Variants in CCDC91 observed in about 807,000 individuals in gnomAD.
The protein encoded by CCDC91 is coiled-coil domain containing 91, also known as coiled-coil domain-containing protein 91.
Under a neutral mutation model 63.2 loss-of-function variants are expected in CCDC91, and 48 were observed. That is an observed-to-expected ratio of 0.76 (90% CI 0.60 to 0.97). CCDC91 has a LOEUF of 0.97. Ranked by LOEUF, CCDC91 falls within the 50% of genes least tolerant of loss-of-function variation. The pLI, the probability that CCDC91 is intolerant of heterozygous loss-of-function variation, is 0.00. For missense variants in CCDC91, 500 were observed against 494.6 expected (o/e 1.01, Z -0.10); for synonymous variants, 167 against 165.8 (o/e 1.01, Z -0.06).
chr12:28,356,486 G>C (rs887080063), intron 6 of CCDC91, among the ~76,000 whole-genome samples: 1 of 152,042 alleles, frequency 6.6e-6, no homozygotes, highest in African/African-American at 2.4e-5. Context: ...ATTTTTTCAT[G>C]TATGGGTTGT....
chr12:28,198,562 A>G (rs1034829155), intron 1 of CCDC91, among the ~76,000 whole-genome samples: 10 of 152,220 alleles, frequency 6.6e-5, no homozygotes, highest in Non-Finnish European at 7.4e-5. Flanking sequence ...GAATCAGAAG[A>G]CAAGTGGCAA....
intron 12 of CCDC91, among the ~76,000 whole-genome samples, chr12:28,520,980 T>G (rs1178549190): frequency 1.3e-5 from 2 of 152,172 alleles, no homozygotes; most frequent in Non-Finnish European, 2.9e-5. Flanking sequence ...TGTAGCCTTG[T>G]AGTATAGTTT....
chr12:28,320,441 A>G (rs1167968376), intron 6 of CCDC91, among the ~76,000 whole-genome samples: 5 of 151,864 alleles, frequency 3.3e-5, no homozygotes, highest in African/African-American at 1.2e-4. Flanking sequence ...TGGACTTACA[A>G]TGTGGCTAAG....
intron 8 of CCDC91, among the ~76,000 whole-genome samples, chr12:28,393,448 A>G (rs181525338): frequency 5.8e-4 from 87 of 150,288 alleles, no homozygotes; most frequent in Middle Eastern, 3.5e-3. Context: ...ATATGTTTAT[A>G]TGCTTTGAAC....
chr12:28,351,359 A>T (rs1249406206), intron 6 of CCDC91, among the ~76,000 whole-genome samples: 1 of 152,200 alleles, frequency 6.6e-6, no homozygotes, highest in African/African-American at 2.4e-5. Flanking sequence ...ACAAATTTAA[A>T]ACACAGGAAG....
chr12:28,390,913 T>G (rs1945892297), intron 7 of CCDC91, among the ~76,000 whole-genome samples: 1 of 150,888 alleles, frequency 6.6e-6, no homozygotes, highest in Admixed American at 6.6e-5. Context: ...ATGTCTGGCC[T>G]TTTTTTCCTT....
chr12:28,430,659 A>G (rs181701378), intron 8 of CCDC91, among the ~76,000 whole-genome samples: 15 of 152,258 alleles, frequency 9.9e-5, no homozygotes, highest in Admixed American at 3.3e-4. Context: ...TTTTCCATAA[A>G]CATGTATTAG....
rs530610418 is a variant in CCDC91, at chr12:28,364,178, G to A, written c.654+1663G>A. On this transcript the variant is annotated intron_variant, in intron 7 of 12. Coordinates refer to ENST00000536442, the MANE Select transcript of CCDC91 (RefSeq NM_018318.5). ...AAGTGGGTGGATCACCTGAGGTCGGGGGTTCCAGACCAGCCTGGCCAACAT... is the reference window on the plus strand; with the variant it reads ...AAGTGGGTGGATCACCTGAGGTCGGAGGTTCCAGACCAGCCTGGCCAACAT... 9.2e-5 allele frequency among the ~76,000 whole-genome samples: 14 copies of A among 152,068 alleles called. No homozygotes were observed. The South Asian group carries it at 2.7e-3, about 29-fold the overall frequency.
At chr12:28,275,448 A>G (rs542666056) in intron 3 of CCDC91, among the ~76,000 whole-genome samples, 2 of 152,296 alleles carry the variant, frequency 1.3e-5, no homozygotes, top group East Asian at 3.9e-4. Flanking sequence ...GAATAGACCA[A>G]TAACAGGCTC....
At chr12:28,354,491 C>T (rs1263834413) in intron 6 of CCDC91, among the ~76,000 whole-genome samples, 1 of 152,110 alleles carries the variant, frequency 6.6e-6, no homozygotes, top group African/African-American at 2.4e-5. Context: ...GGTTTTAGGA[C>T]TTGGACAAAC....
At chr12:28,443,325 G>A (rs1174947267) in intron 8 of CCDC91, among the ~76,000 whole-genome samples, 1 of 151,222 alleles carries the variant, frequency 6.6e-6, no homozygotes, top group South Asian at 2.1e-4. Context: ...TGCTGCCCTC[G>A]ACCTCTTTTC....
At chr12:28,216,664 TAAAA>T (rs72168465) in intron 1 of CCDC91, among the ~76,000 whole-genome samples, 31,155 of 151,886 alleles carry the variant, frequency 0.21, 4,174 homozygotes, top group Non-Finnish European at 0.3. Context: ...TATTCATTCT[TAAAA>T]TAAGGTAACA....
chr12:28,261,695 A>G (rs1946831673), intron 3 of CCDC91, among the ~76,000 whole-genome samples: 2 of 151,992 alleles, frequency 1.3e-5, no homozygotes, highest in Admixed American at 6.6e-5. Context: ...AAAAAATTGT[A>G]TATTATGAGC....
intron 11 of CCDC91, among the ~76,000 whole-genome samples, chr12:28,466,068 A>AAGC (rs3037254): frequency 0.21 from 31,654 of 152,070 alleles, 4,292 homozygotes; most frequent in Non-Finnish European, 0.31. Context: ...AGAACTGACA[A>AAGC]AGAAAAAAAG....
intron 1 of CCDC91, among the ~76,000 whole-genome samples, chr12:28,206,251 G>A (rs546012801): frequency 6.6e-6 from 1 of 152,176 alleles, no homozygotes; most frequent in African/African-American, 2.4e-5. Flanking sequence ...CACCTTTTTG[G>A]TCAGGTTCTC....
intron 3 of CCDC91, among the ~76,000 whole-genome samples, chr12:28,280,225 C>G (rs936407115): frequency 2.0e-5 from 3 of 152,010 alleles, no homozygotes; most frequent in Non-Finnish European, 4.4e-5. Context: ...TTTAGTAGAA[C>G]TTTTTAATAA....
At chr12:28,403,804 T>C (rs147665388) in intron 8 of CCDC91, among the ~76,000 whole-genome samples, 17 of 152,292 alleles carry the variant, frequency 1.1e-4, no homozygotes, top group African/African-American at 4.1e-4. Flanking sequence ...ATCAAATTTG[T>C]AGGCATACAG....
Position 28,530,394 on chromosome 12 carries a change from A to C in CCDC91, c.1216-18669A>C, listed in dbSNP as rs144686470. Among the ~76,000 whole-genome samples the C allele has an allele frequency of 5.0e-3, 764 of 152,348 alleles. 2 individuals are homozygous for C. The highest frequency in any genetic ancestry group is 0.037 in the Middle Eastern group (11 of 294). On this transcript the variant is annotated intron_variant, in intron 12 of 12. Coordinates refer to ENST00000536442, the MANE Select transcript of CCDC91 (RefSeq NM_018318.5). Reference sequence around the variant, plus strand: ...CAGATGAGAGAGCGAATGAGCCTTCATATGATTCTAGCTCCTAGCCTTTTA... The same window carrying C: ...CAGATGAGAGAGCGAATGAGCCTTCCTATGATTCTAGCTCCTAGCCTTTTA...
At chr12:28,377,075 G>T (rs1207530442) in intron 7 of CCDC91, among the ~76,000 whole-genome samples, 1 of 150,478 alleles carries the variant, frequency 6.6e-6, no homozygotes, top group African/African-American at 2.4e-5. Flanking sequence ...ACTGTGTAAG[G>T]AATCTCTTTT....
Sources: gnomAD v4.1 joint callset for allele counts (sites outside exome capture counted in the v4.1 genomes callset) on GRCh38, gnomAD v4.1.1 for gene constraint, MANE v1.5 for transcripts, NCBI Gene and HGNC (gene_info 2026-07-23, HGNC 2026-07-21) for gene names.